MYOM2: variants seen among roughly 807,000 people sequenced by gnomAD.
MYOM2 encodes the protein myomesin-2.
In MYOM2, 254 loss-of-function variants were observed where a neutral mutation model predicts 187.6. The ratio of observed to expected loss-of-function variants is 1.35; its 90% CI spans 1.22 to 1.50. The LOEUF (loss-of-function observed/expected upper bound fraction) is 1.50, where lower values mean the gene tolerates loss of function less well. Ranked by LOEUF, MYOM2 falls within the 40% of genes most tolerant of loss-of-function variation. The pLI is 0.00. For missense variants in MYOM2, 2,796 were observed against 1,924.0 expected, an observed-to-expected ratio of 1.45 and a Z score of -8.48; for synonymous variants, 981 against 753.8, an observed-to-expected ratio of 1.30 and a Z score of -4.94.
intron 6 of MYOM2, among the ~76,000 whole-genome samples, chr8:2,064,146 G>C (rs991575358): frequency 6.6e-6 from 1 of 152,220 alleles, no homozygotes; most frequent in Non-Finnish European, 1.5e-5. Context: ...CCTTCCTCCT[G>C]CATCTGCTCC....
rs746847860 is a variant in MYOM2 at position 2,059,200 on chromosome 8, A to T, written c.608A>T (p.Tyr203Phe). ...LICQAAEPGK[Y>F]RIESNYGVHT... Reference sequence around the variant, plus strand: ...TGCCAGGCGGCTGAACCGGGAAAGTACAGGATTGAGAGCAACTATGGCGTA... The same window carrying T: ...TGCCAGGCGGCTGAACCGGGAAAGTTCAGGATTGAGAGCAACTATGGCGTA... The change falls in exon 6 of 37, where the codon TAC (tyrosine) becomes TTC (phenylalanine). Residue 203 changes from tyrosine to phenylalanine, a missense_variant. By Grantham distance (22) the Tyr-to-Phe change is conservative. Coordinates refer to ENST00000262113, the MANE Select transcript of MYOM2 (RefSeq NM_003970.4). The T allele has an allele frequency of 1.1e-5, 17 of 1,614,232 alleles. No homozygotes were observed. The South Asian group carries it at 1.6e-4, about 16-fold the overall frequency.
intron 32 of MYOM2, among the ~76,000 whole-genome samples, chr8:2,131,201 A>G (rs1797854188): frequency 6.6e-6 from 1 of 152,320 alleles, no homozygotes; most frequent in Non-Finnish European, 1.5e-5. Flanking sequence ...TGTTAGTGTT[A>G]GCAAGCAGGT....
At chr8:2,119,088 A>C (rs1797339997) in intron 28 of MYOM2, 1 of 152,296 alleles carries the variant, frequency 6.6e-6, no homozygotes, top group Non-Finnish European at 1.5e-5. Flanking sequence ...ACAAAGATTT[A>C]GTTATATCCG....
At chr8:2,078,614 T>C (rs1242148804) in intron 11 of MYOM2, 120 bp from the exon 12 acceptor site, 1 of 888,942 alleles carries the variant, frequency 1.1e-6, no homozygotes, top group Non-Finnish European at 1.8e-6. Flanking sequence ...AGCAAAGATT[T>C]TACTGGCGTG....
chr8:2,086,423 T>TGATCTCCGCGTGGCCCCCCACAGTC (rs1796063504), intron 14 of MYOM2, among the ~76,000 whole-genome samples: 1 of 81,406 alleles, frequency 1.2e-5, no homozygotes, highest in Non-Finnish European at 2.4e-5. Context: ...CTCCCACTGT[T>TGATCTCCGCGTGGCCCCCCACAGTC]GTGATCTCTG....
At position 2,062,269 on chromosome 8, in the gene MYOM2, G is replaced by A. The variant is rs117677432; in HGVS notation, c.653+3024G>A. ...GGCGGGGAGACCCCAGAGGGCTGAG[G>A]GGAGAAGGAAGGATGTAACATTGAC... On this transcript the variant is annotated intron_variant, in intron 6 of 36. Coordinates refer to ENST00000262113, the MANE Select transcript of MYOM2 (RefSeq NM_003970.4). 1.7e-3 allele frequency among the ~76,000 whole-genome samples: 259 copies of A among 152,322 alleles called. 4 individuals carry two copies. In the East Asian group the frequency reaches 0.029, roughly 17 times the overall value.
In MYOM2 at chr8:2,072,448, C is replaced by G. The variant is rs1819264077; in HGVS notation, c.897C>G (p.Cys299Trp). 6.2e-7 allele frequency: 1 copy of G among 1,614,164 alleles called. No homozygotes were observed. The highest frequency in any genetic ancestry group is 2.2e-5 in the East Asian group (1 of 44,874). The change falls in exon 9 of 37, where the codon TGC becomes TGG. Residue 299 changes from cysteine to tryptophan, a missense_variant. Physicochemically the swap from Cys to Trp is radical, Grantham distance 215 (BLOSUM62 -2). Coordinates refer to ENST00000262113, the MANE Select transcript of MYOM2 (RefSeq NM_003970.4). ...RREGETVTLK[C>W]TMLVTPDLKR... ...AAGGCGAGACGGTCACTCTCAAGTG[C>G]ACCATGCTGGTGACGCCGGACCTGA...
At chr8:2,101,116 C>T (rs564948651) in intron 20 of MYOM2, 62 bp downstream of exon 20, 84 of 1,552,284 alleles carry the variant, frequency 5.4e-5, no homozygotes, top group African/African-American at 2.5e-4. Context: ...GAGGTAAAGG[C>T]GGGCCAATCA....
intron 35 of MYOM2, 94 bp downstream of exon 35, chr8:2,142,491 A>G: frequency 8.2e-7 from 1 of 1,225,866 alleles, no homozygotes; most frequent in African/African-American, 1.5e-5. Flanking sequence ...TGTATTAAAT[A>G]ATAACCAGCA....
At chr8:2,086,281 C>G (rs1374452322) in intron 14 of MYOM2, among the ~76,000 whole-genome samples, 2 of 130,062 alleles carry the variant, frequency 1.5e-5, no homozygotes, top group Admixed American at 7.6e-5. Flanking sequence ...CTCTGGCACC[C>G]CACTGTCGTG....
At chr8:2,109,552 T>C in intron 25 of MYOM2, 21 bp downstream of exon 25, 1 of 1,592,646 alleles carries the variant, frequency 6.3e-7, no homozygotes, top group Non-Finnish European at 8.5e-7. Context: ...GTGTGAGTGA[T>C]CTCTGGCTTT....
chr8:2,064,298 A>G lies in MYOM2; in HGVS notation c.654-4980A>G, dbSNP rs1311454251. On this transcript the variant is annotated intron_variant, in intron 6 of 36. Coordinates refer to ENST00000262113, the MANE Select transcript of MYOM2 (RefSeq NM_003970.4). ...AACCTACACAGGGACCTGTGTTCCA[A>G]CACACTTCATACAGTATGAAACAAG... Among the ~76,000 whole-genome samples the G allele has an allele frequency of 3.3e-5, 5 of 152,270 alleles. No homozygotes were observed. The East Asian group carries it at 7.7e-4, about 24-fold the overall frequency.
At chr8:2,115,430 C>T (rs940094171) in intron 25 of MYOM2, among the ~76,000 whole-genome samples, 3 of 152,094 alleles carry the variant, frequency 2.0e-5, no homozygotes, top group African/African-American at 4.8e-5. Context: ...AAAATAAAAG[C>T]GATCAAAAAA....
intron 13 of MYOM2, 47 bp from the exon 14 acceptor site, chr8:2,085,215 AG>A: frequency 6.3e-7 from 1 of 1,596,700 alleles, no homozygotes; most frequent in Non-Finnish European, 8.6e-7. Flanking sequence ...GGCTGCAGCG[AG>A]GCTGATGGGG....
Position 2,098,857 on chromosome 8 carries a change from G to A in MYOM2, c.2314G>A (p.Val772Met). Residue 772 changes from valine (V) to methionine (M), a missense_variant and splice_region_variant, in exon 19 of 37, where the codon GTG becomes ATG. Val to Met is a conservative substitution (Grantham distance 21). Coordinates refer to ENST00000262113, the MANE Select transcript of MYOM2 (RefSeq NM_003970.4). The part of the protein sequence containing the change: ...SSPSKPTILT[V>M]DGLTEGSLYE... ...ATTAATTTAAACAAAATCTGAATAG[G>A]TGGACGGCTTGACGGAAGGCTCACT... 6.2e-7 allele frequency: 1 copy of A among 1,610,812 alleles called. No individual in the cohort carries two copies. The highest frequency in any genetic ancestry group is 8.5e-7 in the Non-Finnish European group (1 of 1,177,732).
At chr8:2,073,535 G>A (rs752131372) in intron 10 of MYOM2, 35 bp downstream of exon 10, 2 of 1,555,726 alleles carry the variant, frequency 1.3e-6, no homozygotes, top group East Asian at 2.3e-5. Context: ...TGCAGACCTT[G>A]TGTGTGCCCG....
intron 9 of MYOM2, among the ~76,000 whole-genome samples, chr8:2,072,757 C>T (rs1318091365): frequency 6.6e-6 from 1 of 152,206 alleles, no homozygotes; most frequent in Admixed American, 6.5e-5. Context: ...CGTACAGTGA[C>T]AGAAAGAATG....
chr8:2,142,635 T>C (rs572003630), intron 35 of MYOM2, among the ~76,000 whole-genome samples: 1 of 149,594 alleles, frequency 6.7e-6, no homozygotes, highest in Non-Finnish European at 1.5e-5. Context: ...CCCTCCTCCC[T>C]TGCAGAACCT....
intron 2 of MYOM2, 87 bp from the exon 3 acceptor site, chr8:2,052,071 T>C (rs1231043331): frequency 6.5e-7 from 1 of 1,545,710 alleles, no homozygotes; most frequent in Non-Finnish European, 8.9e-7. Context: ...TGGTTTGGGG[T>C]GTGTAGAGAG....
Sources: gnomAD v4.1 joint callset for allele counts (sites outside exome capture counted in the v4.1 genomes callset) on GRCh38, gnomAD v4.1.1 for gene constraint, MANE v1.5 for transcripts, NCBI Gene and HGNC (gene_info 2026-07-23, HGNC 2026-07-21) for gene names.